Variants in JAML observed in about 807,000 individuals in gnomAD.
JAML encodes the protein junctional adhesion molecule-like.
A neutral mutation model predicts 39.3 loss-of-function variants in JAML; 25 were observed. The observed-to-expected ratio is 0.64, with a 90% confidence interval of 0.46 to 0.89. JAML has a LOEUF of 0.89. Ranked by LOEUF, JAML falls within the 40% of genes least tolerant of loss-of-function variation. The probability of loss-of-function intolerance (pLI) is 0.00; values close to 1 mark genes in which losing one functional copy is unlikely to be tolerated. For missense variants in JAML, 440 were observed against 486.9 expected (o/e 0.90, Z 0.91); for synonymous variants, 162 against 179.2 (o/e 0.90, Z 0.77).
chr11:118,209,715 T>TTTTA (rs1949004573), intron 4 of JAML, among the ~76,000 whole-genome samples: 1 of 151,756 alleles, frequency 6.6e-6, no homozygotes, highest in Non-Finnish European at 1.5e-5. Context: ...TTTTATTTTT[T>TTTTA]ATTTTTTTTA....
chr11:118,201,228 T>C (rs1430359951), intron 6 of JAML: 1 of 152,284 alleles, frequency 6.6e-6, no homozygotes, highest in African/African-American at 2.4e-5. Context: ...ACAACAGAAG[T>C]CTGTATGGGG....
intron 2 of JAML, chr11:118,213,449 A>C: frequency 2.1e-6 from 1 of 466,770 alleles, no homozygotes; most frequent in Non-Finnish European, 2.8e-6. Context: ...GTAGGCTCAC[A>C]CAGCAGGGAG....
chr11:118,203,838 C>A (rs974239627), intron 5 of JAML, 173 bp from the exon 6 acceptor site: 2 of 604,562 alleles, frequency 3.3e-6, no homozygotes, highest in Non-Finnish European at 5.9e-6. Flanking sequence ...CATGTGCATG[C>A]GTGTGTACTT....
intron 6 of JAML, 111 bp from the exon 7 acceptor site, chr11:118,200,723 GC>G: frequency 8.0e-7 from 1 of 1,244,116 alleles, no homozygotes; most frequent in Non-Finnish European, 1.1e-6. Context: ...GGAGGGGAAG[GC>G]CAGACTCCAC....
Position 118,203,281 on chromosome 11 carries a change from T to C in JAML, c.772+147A>G, listed in dbSNP as rs1011676217. 19 of 793,524 alleles carry C rather than the reference T, an allele frequency of 2.4e-5. No homozygotes were observed. The African/African-American group carries it at 2.9e-4, about 12-fold the overall frequency. The allele number at this position is 793,524 out of a possible 1,614,324, so 49.2% of individuals were successfully genotyped here. A position where few individuals can be genotyped will look rare whatever the true frequency, so the allele number is the denominator to read the frequency against. Reference sequence around the variant, plus strand: ...AGCCACCTCTAAGGAGGCATCATTCTCAGGGTTGTGCAAGGCCAGAGTCAG... The same window carrying C: ...AGCCACCTCTAAGGAGGCATCATTCCCAGGGTTGTGCAAGGCCAGAGTCAG... On this transcript the variant is annotated intron_variant, in intron 6 of 9. Coordinates refer to ENST00000356289, the MANE Select transcript of JAML (RefSeq NM_001098526.2).
intron 1 of JAML, among the ~76,000 whole-genome samples, chr11:118,223,745 T>C (rs1035224519): frequency 1.3e-5 from 2 of 152,220 alleles, no homozygotes; most frequent in Middle Eastern, 3.4e-3. Context: ...CTCTCCTCCA[T>C]ATCCTGTTGG....
intron 7 of JAML, among the ~76,000 whole-genome samples, chr11:118,199,932 G>A (rs1362907220): frequency 1.3e-5 from 2 of 151,962 alleles, no homozygotes; most frequent in East Asian, 1.9e-4. Context: ...TCCTGACCTC[G>A]TGATCCGCCC....
Position 118,214,809 on chromosome 11 carries a change from T to TTAGCTTCTACTTACCCAG in JAML, c.40_43+14dup, listed in dbSNP as rs751400647. On this transcript the variant is annotated intron_variant, in intron 2 of 9. Transcript: ENST00000356289. The stretch of plus-strand genomic sequence containing the variant: ...GAAATCAAATACCCCACGGAGTCCC[T>TTAGCTTCTACTTACCCAG]TAGCTTCTACTTACCCAGTAACACT... The TTAGCTTCTACTTACCCAG allele has an allele frequency of 2.5e-6, 4 of 1,613,404 alleles. No individual in the cohort carries two copies. The South Asian group carries it at 4.4e-5, about 18-fold the overall frequency.
chr11:118,196,499 A>G (rs1488256200), intron 9 of JAML, among the ~76,000 whole-genome samples: 1 of 152,154 alleles, frequency 6.6e-6, no homozygotes, highest in East Asian at 1.9e-4. Context: ...GCCACTCTTC[A>G]CTTCTTTTCA....
chr11:118,210,879 T>C (rs1023440383), intron 3 of JAML, among the ~76,000 whole-genome samples, 167 bp from the exon 4 acceptor site: 6 of 152,230 alleles, frequency 3.9e-5, no homozygotes, highest in Admixed American at 3.3e-4. Flanking sequence ...ACAGTCTAAC[T>C]TGCACAAGCT....
Position 118,198,047 on chromosome 11 carries a change from T to G in JAML, c.956A>C (p.Asn319Thr). ...GCAGGGTTTTTCTTTTATCTCTGGA[T>G]TAGTCTTCTTCGTGTTCTTCACCAA... ...TVLVKNTKKT[N>T]PEIKEKPCHF... Residue 319 changes from asparagine to threonine, a missense_variant, in exon 8 of 10, where the codon AAT becomes ACT. Asn to Thr is a moderately conservative substitution (Grantham distance 65, BLOSUM62 0). Coordinates refer to ENST00000356289, the MANE Select transcript of JAML (RefSeq NM_001098526.2). 1 of 1,614,212 alleles carries G rather than the reference T, an allele frequency of 6.2e-7. No individual in the cohort carries two copies.
In JAML at chr11:118,197,812, C is replaced by T. The variant is rs115340798; in HGVS notation, c.1005+186G>A. The T allele has an allele frequency of 2.3e-3, 1,287 of 564,376 alleles. 13 individuals carry two copies. The highest frequency in any genetic ancestry group is 0.022 in the African/African-American group (1,160 of 52,386). The allele number at this position is 564,376 out of a possible 1,614,324, so 35.0% of individuals were successfully genotyped here. A position where few individuals can be genotyped will look rare whatever the true frequency, so the allele number is the denominator to read the frequency against. ...GATCTGCTGCCTGGGGCTGTCCCAG[C>T]CGACCCCATGCACTGTACTCCGCAG... On this transcript the variant is annotated intron_variant, in intron 8 of 9. Coordinates refer to ENST00000356289, the MANE Select transcript of JAML (RefSeq NM_001098526.2).
chr11:118,219,164 A>G (rs981491134), intron 1 of JAML, among the ~76,000 whole-genome samples: 3 of 152,206 alleles, frequency 2.0e-5, no homozygotes, highest in African/African-American at 4.8e-5. Context: ...CAACACATAT[A>G]TGGAAAAAAA....
intron 8 of JAML, 177 bp downstream of exon 8, chr11:118,197,821 T>G: frequency 1.7e-6 from 1 of 595,122 alleles, no homozygotes; most frequent in Non-Finnish European, 3.0e-6. Flanking sequence ...GCCGACCCCA[T>G]GCACTGTACT....
At chr11:118,212,612 C>T in intron 2 of JAML, 51 bp from the exon 3 acceptor site, 2 of 1,593,654 alleles carry the variant, frequency 1.3e-6, no homozygotes, top group Non-Finnish European at 1.7e-6. Flanking sequence ...ATACTCTCAA[C>T]AACAAAAATC....
intron 1 of JAML, among the ~76,000 whole-genome samples, chr11:118,218,795 G>A (rs1949176046): frequency 6.7e-6 from 1 of 148,816 alleles, no homozygotes; most frequent in Non-Finnish European, 1.5e-5. Context: ...TGAATAAAAT[G>A]AATTTCAGTT....
At chr11:118,209,177 G>T in intron 4 of JAML, 1 of 287,418 alleles carries the variant, frequency 3.5e-6, no homozygotes, top group Non-Finnish European at 6.9e-6. Context: ...AGTCTCAGCT[G>T]CATTCCTTTC....
At chr11:118,202,776 C>T in intron 6 of JAML, 1 of 371,662 alleles carries the variant, frequency 2.7e-6, no homozygotes, top group Non-Finnish European at 5.3e-6. Context: ...ACAGCCAACT[C>T]CTGAAGGCCC....
chr11:118,215,741 A>G (rs1051446569), intron 1 of JAML, among the ~76,000 whole-genome samples: 1 of 152,102 alleles, frequency 6.6e-6, no homozygotes, highest in Admixed American at 6.5e-5. Flanking sequence ...GGACAAAAGT[A>G]TGTGTTTGAT....
Sources: allele counts gnomAD v4.1 joint callset (sites outside exome capture counted in the v4.1 genomes callset), GRCh38; gene constraint gnomAD v4.1.1; transcripts MANE v1.5; gene names NCBI Gene and HGNC (gene_info 2026-07-23, HGNC 2026-07-21).